The following C10orf143 variants were observed in gnomAD, a reference collection of about 807,000 sequenced individuals.
C10orf143 encodes the protein chromosome 10 open reading frame 143.
chr10:130,057,056 ATTTTTTT>A (rs11435950), intron 3 of C10orf143, among the ~76,000 whole-genome samples: 9 of 133,576 alleles, frequency 6.7e-5, no homozygotes, highest in Middle Eastern at 3.9e-3. Context: ...AGGCCCAGCT[ATTTTTTT>A]TTTTTTTTTG....
intron 1 of C10orf143, among the ~76,000 whole-genome samples, chr10:130,080,278 T>C (rs1039088881): frequency 1.3e-5 from 2 of 152,232 alleles, no homozygotes; most frequent in African/African-American, 2.4e-5. Flanking sequence ...GTTACATACT[T>C]TCTTAATACA....
At chr10:130,096,034 A>C (rs554860858) in intron 1 of C10orf143, among the ~76,000 whole-genome samples, 53 of 152,314 alleles carry the variant, frequency 3.5e-4, no homozygotes, top group African/African-American at 1.0e-3. Flanking sequence ...AAATTTTTGC[A>C]ATCTCTCCAT....
chr10:130,089,198 T>G (rs1306352937), intron 1 of C10orf143, among the ~76,000 whole-genome samples: 1 of 152,180 alleles, frequency 6.6e-6, no homozygotes, highest in Non-Finnish European at 1.5e-5. Context: ...AAGACATAAA[T>G]GAACACATTG....
intron 1 of C10orf143, chr10:130,108,201 C>G (rs552668092): frequency 4.5e-6 from 7 of 1,561,664 alleles, no homozygotes; most frequent in Admixed American, 3.3e-5. Context: ...CCTTTCCCCC[C>G]ACCTCCTCCA....
At chr10:130,072,096 G>T (rs1861043577) in intron 3 of C10orf143, among the ~76,000 whole-genome samples, 1 of 151,936 alleles carries the variant, frequency 6.6e-6, no homozygotes, top group Admixed American at 6.6e-5. Context: ...CAATTTATAG[G>T]TGTATGTAAA....
At chr10:130,083,504 T>C (rs1218908117) in intron 1 of C10orf143, among the ~76,000 whole-genome samples, 1 of 152,138 alleles carries the variant, frequency 6.6e-6, no homozygotes, top group East Asian at 1.9e-4. Context: ...GCCCCTACAC[T>C]GGAGAGTGGT....
intron 1 of C10orf143, among the ~76,000 whole-genome samples, chr10:130,105,220 G>T (rs547618155): frequency 6.6e-6 from 1 of 152,228 alleles, no homozygotes; most frequent in South Asian, 2.1e-4. Flanking sequence ...GAGCCACTGC[G>T]CCCGGCCTGC....
At chr10:130,108,219 G>A (rs768797786) in intron 1 of C10orf143, 1 of 1,548,892 alleles carries the variant, frequency 6.5e-7, no homozygotes, top group East Asian at 2.3e-5. Context: ...CCAGGAACCA[G>A]GTTTGGAGCT....
intron 3 of C10orf143, among the ~76,000 whole-genome samples, chr10:130,041,467 A>G (rs1860606066): frequency 6.6e-6 from 1 of 152,212 alleles, no homozygotes; most frequent in Admixed American, 6.5e-5. Context: ...CATTGCTACC[A>G]ATGGTGACTG....
intron 3 of C10orf143, among the ~76,000 whole-genome samples, chr10:130,069,119 G>C (rs1261408395): frequency 6.6e-6 from 1 of 152,148 alleles, no homozygotes; most frequent in Non-Finnish European, 1.5e-5. Context: ...AAGTGATCTA[G>C]AACCAAAGAA....
chr10:130,063,239 G>A (rs1413379475), downstream of C10orf143, among the ~76,000 whole-genome samples: 2 of 152,170 alleles, frequency 1.3e-5, no homozygotes, highest in East Asian at 3.9e-4. Context: ...ATGAACGAGG[G>A]TGAGAAGGAA....
At chr10:130,090,663 G>T (rs1263738458) in intron 1 of C10orf143, among the ~76,000 whole-genome samples, 1 of 152,150 alleles carries the variant, frequency 6.6e-6, no homozygotes, top group Non-Finnish European at 1.5e-5. Flanking sequence ...AGATCCACTG[G>T]CTTGAAATTC....
intron 1 of C10orf143, chr10:130,106,544 G>C: frequency 6.3e-7 from 1 of 1,595,724 alleles, no homozygotes. Flanking sequence ...TGAATTGATG[G>C]CGGATATTTC....
At chr10:130,042,229 TG>T (rs779711533) in intron 3 of C10orf143, among the ~76,000 whole-genome samples, 7 of 152,240 alleles carry the variant, frequency 4.6e-5, no homozygotes, top group Non-Finnish European at 1.0e-4. Context: ...TCAGAAAATG[TG>T]CATAGAGTTA....
rs191605227 is a variant in C10orf143, at chr10:130,041,879, G to A, written c.298-5909C>T. On this transcript the variant is annotated intron_variant and NMD_transcript_variant, in intron 3 of 5. Transcript: ENST00000643056. ...CATGTGCATACTCTCACATGAACAC[G>A]TGTAACACACACACACACACATGCA... Among the ~76,000 whole-genome samples, 5 of 151,780 alleles carry A rather than the reference G, an allele frequency of 3.3e-5. No individual in the cohort carries two copies. In the East Asian group the frequency reaches 5.8e-4, roughly 18 times the overall value.
intron 3 of C10orf143, chr10:130,068,536 G>C (rs1860976575): frequency 7.0e-6 from 1 of 141,892 alleles, no homozygotes; most frequent in African/African-American, 2.6e-5. Context: ...GCTTGAACCT[G>C]GGAAGCGGAG....
chr10:130,100,790 AAC>A (rs113834974), intron 1 of C10orf143, among the ~76,000 whole-genome samples: 6 of 152,344 alleles, frequency 3.9e-5, no homozygotes, highest in African/African-American at 1.4e-4. Context: ...TCAAAAATCA[AAC>A]ACAGAAAAGA....
intron 3 of C10orf143, among the ~76,000 whole-genome samples, chr10:130,040,364 G>A (rs1253130319): frequency 1.3e-5 from 2 of 152,182 alleles, no homozygotes; most frequent in African/African-American, 4.8e-5. Context: ...TATGAGTTCT[G>A]GGTCTCTCCA....
intron 1 of C10orf143, among the ~76,000 whole-genome samples, chr10:130,082,059 C>A (rs1861218405): frequency 6.6e-6 from 1 of 151,802 alleles, no homozygotes; most frequent in Non-Finnish European, 1.5e-5. Context: ...CAGTGGCACA[C>A]AAGGAGACAA....
Sources: gnomAD v4.1 joint callset for allele counts (sites outside exome capture counted in the v4.1 genomes callset) on GRCh38, gnomAD v4.1.1 for gene constraint, MANE v1.5 for transcripts, NCBI Gene and HGNC (gene_info 2026-07-23, HGNC 2026-07-21) for gene names.